Variants in ARL15 observed in about 807,000 individuals in gnomAD.
ARL15 encodes the protein ARF like GTPase 15, also known as ADP-ribosylation factor-like protein 15.
In ARL15, 19 loss-of-function variants were observed where a neutral mutation model predicts 25.2. The ratio of observed to expected loss-of-function variants is 0.75; its 90% CI spans 0.53 to 1.10. The LOEUF (loss-of-function observed/expected upper bound fraction) is 1.10, where lower values mean the gene tolerates loss of function less well. Ranked by LOEUF, ARL15 falls within the 50% of genes least tolerant of loss-of-function variation. The probability of loss-of-function intolerance (pLI) is 0.00; values close to 1 mark genes in which losing one functional copy is unlikely to be tolerated. For synonymous variants in ARL15, 94 were observed against 86.8 expected (o/e 1.08, Z -0.46); for missense variants, 220 against 246.0 (o/e 0.89, Z 0.71).
At chr5:53,969,812 T>A (rs1747677999) in intron 4 of ARL15, among the ~76,000 whole-genome samples, 1 of 151,944 alleles carries the variant, frequency 6.6e-6, no homozygotes, top group South Asian at 2.1e-4. Flanking sequence ...AAAATGTAAG[T>A]GGCTAAAACT....
intron 1 of ARL15, among the ~76,000 whole-genome samples, chr5:54,196,080 T>C (rs1294257534): frequency 6.6e-6 from 1 of 152,182 alleles, no homozygotes; most frequent in African/African-American, 2.4e-5. Flanking sequence ...TTCTATTGTA[T>C]GGCTACCCCA....
chr5:53,973,070 A>G (rs922941915), intron 4 of ARL15, among the ~76,000 whole-genome samples: 1 of 152,216 alleles, frequency 6.6e-6, no homozygotes, highest in African/African-American at 2.4e-5. Context: ...GCACTAAATA[A>G]ATATTATTTA....
At chr5:54,102,281 G>T (rs1360209377) in intron 4 of ARL15, among the ~76,000 whole-genome samples, 3 of 152,024 alleles carry the variant, frequency 2.0e-5, no homozygotes, top group Non-Finnish European at 4.4e-5. Flanking sequence ...TAAACTGCTG[G>T]CATTACAGGT....
chr5:53,942,628 C>T (rs1252216080), intron 4 of ARL15, among the ~76,000 whole-genome samples: 1 of 152,150 alleles, frequency 6.6e-6, no homozygotes, highest in Admixed American at 6.5e-5. Context: ...CGCCTGTAAT[C>T]CCAGCTACTC....
chr5:54,006,051 CAAAAAAA>C (rs56094450), intron 4 of ARL15, among the ~76,000 whole-genome samples: 9 of 57,566 alleles, frequency 1.6e-4, no homozygotes, highest in East Asian at 4.7e-4. Flanking sequence ...ATTACATCTC[CAAAAAAA>C]AAAAAAAAAA....
At chr5:54,017,490 C>T (rs1171015381) in intron 4 of ARL15, among the ~76,000 whole-genome samples, 3 of 151,594 alleles carry the variant, frequency 2.0e-5, no homozygotes, top group African/African-American at 7.3e-5. Context: ...AACTTCACTA[C>T]TAGCTGCATT....
At chr5:54,229,040 C>T (rs1166208273) in intron 1 of ARL15, among the ~76,000 whole-genome samples, 1 of 152,156 alleles carries the variant, frequency 6.6e-6, no homozygotes, top group Admixed American at 6.5e-5. Context: ...GCCCCTCTTT[C>T]CACTTTGGTT....
intron 3 of ARL15, among the ~76,000 whole-genome samples, chr5:54,141,081 C>T (rs886629610): frequency 8.5e-5 from 13 of 152,108 alleles, no homozygotes; most frequent in African/African-American, 3.1e-4. Context: ...TTGAGTATCA[C>T]TACGGCATGA....
intron 4 of ARL15, among the ~76,000 whole-genome samples, chr5:54,111,920 C>T (rs763213848): frequency 6.6e-6 from 1 of 152,006 alleles, no homozygotes; most frequent in Admixed American, 6.5e-5. Context: ...TTAGGAGACA[C>T]CATCATTATA....
At chr5:54,114,882 G>C (rs765520705) in intron 3 of ARL15, among the ~76,000 whole-genome samples, 1 of 152,200 alleles carries the variant, frequency 6.6e-6, no homozygotes, top group Non-Finnish European at 1.5e-5. Context: ...CCAATTTATT[G>C]CATATGATCA....
At chr5:54,031,752 C>T (rs1182493997) in intron 4 of ARL15, among the ~76,000 whole-genome samples, 6 of 152,006 alleles carry the variant, frequency 3.9e-5, no homozygotes, top group African/African-American at 9.7e-5. Flanking sequence ...GTCCTTCACC[C>T]GAGACTTCGC....
intron 4 of ARL15, among the ~76,000 whole-genome samples, chr5:54,050,477 G>C (rs894025326): frequency 6.6e-6 from 1 of 152,110 alleles, no homozygotes; most frequent in Admixed American, 6.5e-5. Context: ...AGTGAGTATA[G>C]GCAATTAATC....
At chr5:54,231,190 T>C (rs1349994172) in intron 1 of ARL15, among the ~76,000 whole-genome samples, 2 of 152,236 alleles carry the variant, frequency 1.3e-5, no homozygotes, top group African/African-American at 2.4e-5. Context: ...CTTGCTGCTC[T>C]GCTGTTCTCT....
At chr5:53,902,183 A>G (rs1745087929) in intron 4 of ARL15, among the ~76,000 whole-genome samples, 1 of 152,204 alleles carries the variant, frequency 6.6e-6, no homozygotes, top group Admixed American at 6.5e-5. Flanking sequence ...CCTCACATTC[A>G]ACTTTTTCTG....
At chr5:54,244,811 ACATCAGAAGGTTAAT>A (rs1757047367) in intron 1 of ARL15, among the ~76,000 whole-genome samples, 1 of 145,758 alleles carries the variant, frequency 6.9e-6, no homozygotes, top group South Asian at 2.2e-4. Context: ...AAAAAAAAAA[ACATCAGAAGGTTAAT>A]CATCAGCATT....
chr5:53,910,673 A>ATG (rs1491571617), intron 4 of ARL15, among the ~76,000 whole-genome samples: 1 of 139,638 alleles, frequency 7.2e-6, no homozygotes, highest in African/African-American at 2.7e-5. Context: ...ATATATATAT[A>ATG]AAGAAAACGT....
chr5:54,211,098 C>T (rs1756026278), intron 1 of ARL15, among the ~76,000 whole-genome samples: 1 of 152,046 alleles, frequency 6.6e-6, no homozygotes, highest in African/African-American at 2.4e-5. Context: ...ACAGACTGTC[C>T]AATTATAGCT....
intron 1 of ARL15, among the ~76,000 whole-genome samples, chr5:54,197,883 G>A (rs1044044288): frequency 6.6e-5 from 10 of 152,130 alleles, no homozygotes; most frequent in Non-Finnish European, 1.3e-4. Flanking sequence ...GAACATTGAT[G>A]CAAAAATCCT....
intron 1 of ARL15, among the ~76,000 whole-genome samples, chr5:54,193,268 T>G (rs890676147): frequency 6.6e-6 from 1 of 152,172 alleles, no homozygotes; most frequent in Non-Finnish European, 1.5e-5. Flanking sequence ...TCCTCAATCC[T>G]GTGTCTCTCA....
Sources: allele counts gnomAD v4.1 joint callset (sites outside exome capture counted in the v4.1 genomes callset), GRCh38; gene constraint gnomAD v4.1.1; transcripts MANE v1.5; gene names NCBI Gene and HGNC (gene_info 2026-07-23, HGNC 2026-07-21).